The following SHISA9 variants were observed in gnomAD, a reference collection of about 807,000 sequenced individuals.
The protein encoded by SHISA9 is protein shisa-9.
SHISA9 carries 13 observed loss-of-function variants against 38.0 expected under a neutral mutation model. That is an observed-to-expected ratio of 0.34 (90% CI 0.22 to 0.54). SHISA9 has a LOEUF of 0.54. Ranked by LOEUF, SHISA9 falls within the 20% of genes least tolerant of loss-of-function variation. SHISA9 has a pLI of 0.91. For missense variants in SHISA9, 538 were observed against 575.8 expected, an observed-to-expected ratio of 0.93 and a Z score of 0.67; for synonymous variants, 275 against 242.0, an observed-to-expected ratio of 1.14 and a Z score of -1.27.
chr16:13,253,615 C>G, the SHISA9 span, among the ~76,000 whole-genome samples: 1 of 152,104 alleles, frequency 6.6e-6, no homozygotes, highest in Non-Finnish European at 1.5e-5. Context: ...TCTCGTGAGA[C>G]TTATTCACTA....
downstream of SHISA9, among the ~76,000 whole-genome samples, chr16:13,245,150 C>T (rs2051462503): frequency 6.6e-6 from 1 of 152,144 alleles, no homozygotes; most frequent in African/African-American, 2.4e-5. Context: ...CTCCTGGGCT[C>T]AAGCAATCTG....
At chr16:13,532,718 A>G in the SHISA9 span, among the ~76,000 whole-genome samples, 1 of 151,876 alleles carries the variant, frequency 6.6e-6, no homozygotes, top group Non-Finnish European at 1.5e-5. Context: ...TGCTTCCAAC[A>G]TTTCAGTTTC....
At chr16:13,525,027 A>G in the SHISA9 span, among the ~76,000 whole-genome samples, 3 of 152,184 alleles carry the variant, frequency 2.0e-5, no homozygotes, top group Non-Finnish European at 4.4e-5. Flanking sequence ...ACCACAATAT[A>G]GTTCTCAAAC....
chr16:13,128,810 A>G (rs899343046), intron 2 of SHISA9, among the ~76,000 whole-genome samples: 2 of 152,178 alleles, frequency 1.3e-5, no homozygotes, highest in Non-Finnish European at 2.9e-5. Flanking sequence ...GGAATTCATT[A>G]GGAATTCATT....
At chr16:12,996,072 G>C (rs146340561) in intron 2 of SHISA9, among the ~76,000 whole-genome samples, 7 of 152,154 alleles carry the variant, frequency 4.6e-5, no homozygotes, top group Non-Finnish European at 7.4e-5. Flanking sequence ...GGACACAAAG[G>C]GGTGATGTAC....
At chr16:13,420,245 C>CAAAAAAAAAAAAAAAAA in the SHISA9 span, among the ~76,000 whole-genome samples, 2 of 50,392 alleles carry the variant, frequency 4.0e-5, no homozygotes, top group Non-Finnish European at 6.6e-5. Flanking sequence ...GAATCTGTTT[C>CAAAAAAAAAAAAAAAAA]AAAAAAAAAA....
intron 4 of SHISA9, among the ~76,000 whole-genome samples, chr16:13,226,486 A>C (rs148931236): frequency 3.7e-3 from 564 of 152,332 alleles, no homozygotes; most frequent in Middle Eastern, 6.8e-3. Context: ...TTCTTCATCT[A>C]TAACTCAGAT....
chr16:13,003,722 G>T (rs1359236014), intron 2 of SHISA9, among the ~76,000 whole-genome samples: 2 of 152,154 alleles, frequency 1.3e-5, no homozygotes, highest in Non-Finnish European at 2.9e-5. Context: ...GCCGGGCATG[G>T]TGGTGTGTGC....
the SHISA9 span, among the ~76,000 whole-genome samples, chr16:13,384,970 C>T: frequency 6.6e-6 from 1 of 151,876 alleles, no homozygotes; most frequent in African/African-American, 2.4e-5. Flanking sequence ...GCTCCAAACT[C>T]AAAAGTAAAA....
chr16:13,018,497 G>A lies in SHISA9; in HGVS notation c.691+101682G>A, dbSNP rs186014882. 1.6e-4 allele frequency among the ~76,000 whole-genome samples: 24 copies of A among 152,296 alleles called. No homozygotes were observed. In the South Asian group the frequency reaches 4.6e-3, roughly 29 times the overall value. ...CCACCTCATGGCTTACCTTTTACAA[G>A]CTGTAACTTTGAGCAAGATGTGGGA... On this transcript the variant is annotated intron_variant, in intron 2 of 4. Transcript: ENST00000558583.
chr16:13,453,151 G>C, the SHISA9 span, among the ~76,000 whole-genome samples: 1 of 152,070 alleles, frequency 6.6e-6, no homozygotes, highest in Non-Finnish European at 1.5e-5. Context: ...GCCTCCCAAA[G>C]TGCTGGGATT....
chr16:12,971,950 C>A, intron 2 of SHISA9, among the ~76,000 whole-genome samples: 1 of 151,930 alleles, frequency 6.6e-6, no homozygotes, highest in African/African-American at 2.4e-5. Flanking sequence ...ACAAAAATTT[C>A]TCTTGCATGC....
At chr16:13,447,293 G>T in the SHISA9 span, among the ~76,000 whole-genome samples, 2 of 152,170 alleles carry the variant, frequency 1.3e-5, no homozygotes, top group Admixed American at 6.5e-5. Flanking sequence ...AACAACAGGG[G>T]GGTTCCTAAG....
At chr16:13,064,041 C>T (rs1274752478) in intron 2 of SHISA9, among the ~76,000 whole-genome samples, 1 of 152,146 alleles carries the variant, frequency 6.6e-6, no homozygotes, top group African/African-American at 2.4e-5. Flanking sequence ...AGTGTTTGGA[C>T]CCACATTATT....
chr16:13,288,318 A>C, the SHISA9 span, among the ~76,000 whole-genome samples: 1 of 152,166 alleles, frequency 6.6e-6, no homozygotes, highest in Non-Finnish European at 1.5e-5. Flanking sequence ...GAGGCAGTTC[A>C]AGATCAGAGT....
chr16:13,289,437 G>T, the SHISA9 span, among the ~76,000 whole-genome samples: 2 of 151,944 alleles, frequency 1.3e-5, no homozygotes, highest in South Asian at 4.1e-4. Context: ...TTGGGTCAGG[G>T]TTCTAGAAAG....
chr16:13,260,307 C>T, the SHISA9 span, among the ~76,000 whole-genome samples: 9 of 151,966 alleles, frequency 5.9e-5, no homozygotes, highest in Middle Eastern at 3.2e-3. Context: ...TGAGCCACCG[C>T]GCCTGGCCGG....
chr16:13,020,288 A>G (rs997185223), intron 2 of SHISA9, among the ~76,000 whole-genome samples: 4 of 151,820 alleles, frequency 2.6e-5, no homozygotes, highest in Non-Finnish European at 5.9e-5. Flanking sequence ...AGCCTCCCAC[A>G]GTGCTGGGAT....
intron 2 of SHISA9, among the ~76,000 whole-genome samples, chr16:12,976,363 T>A (rs1346520889): frequency 1.3e-5 from 2 of 152,172 alleles, no homozygotes; most frequent in African/African-American, 4.8e-5. Flanking sequence ...AGCGTTGGGA[T>A]TACAGGCATG....
Sources: allele counts gnomAD v4.1 joint callset (sites outside exome capture counted in the v4.1 genomes callset), GRCh38; gene constraint gnomAD v4.1.1; transcripts MANE v1.5; gene names NCBI Gene and HGNC (gene_info 2026-07-23, HGNC 2026-07-21).